EMP2: variants seen among roughly 807,000 people sequenced by gnomAD.
EMP2 encodes the protein epithelial membrane protein 2.
EMP2 carries 19 observed loss-of-function variants against 13.7 expected under a neutral mutation model. The observed-to-expected ratio is 1.38, with a 90% CI of 0.97 to 2.03. EMP2 has a LOEUF of 2.03. Ranked by LOEUF, EMP2 falls within the 30% of genes most tolerant of loss-of-function variation. The probability of loss-of-function intolerance (pLI) is 0.00; values close to 1 mark genes in which losing one functional copy is unlikely to be tolerated. For synonymous variants in EMP2, 97 were observed against 84.7 expected (o/e 1.15, Z -0.80); for missense variants, 253 against 220.7 (o/e 1.15, Z -0.93).
intron 2 of EMP2, chr16:10,544,564 G>C (rs2050725389): frequency 6.6e-6 from 1 of 152,336 alleles, no homozygotes; most frequent in Non-Finnish European, 1.5e-5. Flanking sequence ...CCCTCAGAGA[G>C]TATGGGAGAA....
At chr16:10,542,296 G>A (rs1176748421) in intron 3 of EMP2, among the ~76,000 whole-genome samples, 1 of 152,074 alleles carries the variant, frequency 6.6e-6, no homozygotes, top group African/African-American at 2.4e-5. Flanking sequence ...TACTTGAGAG[G>A]CTGAGATGGG....
At chr16:10,552,603 C>A (rs1036617543) in intron 1 of EMP2, among the ~76,000 whole-genome samples, 2 of 152,180 alleles carry the variant, frequency 1.3e-5, no homozygotes, top group Non-Finnish European at 2.9e-5. Flanking sequence ...AATTTAATAG[C>A]ATCATTCTGA....
intron 2 of EMP2, chr16:10,545,493 C>T (rs1327242499): frequency 1.3e-5 from 2 of 152,208 alleles, no homozygotes; most frequent in African/African-American, 2.4e-5. Context: ...CCTGTCAGGT[C>T]ACCAGGGGCA....
At chr16:10,556,603 T>A (rs192284075) in intron 1 of EMP2, among the ~76,000 whole-genome samples, 1 of 152,216 alleles carries the variant, frequency 6.6e-6, no homozygotes, top group Non-Finnish European at 1.5e-5. Context: ...GGGGAAGGGG[T>A]GCCCACAGGG....
At chr16:10,572,527 G>A (rs77584189) in intron 1 of EMP2, among the ~76,000 whole-genome samples, 9,229 of 152,088 alleles carry the variant, frequency 0.061, 415 homozygotes, top group Middle Eastern at 0.12. Flanking sequence ...CCATTACAGG[G>A]GCCGAGTCCA....
At chr16:10,557,356 CAAA>C (rs71402497) in intron 1 of EMP2, among the ~76,000 whole-genome samples, 2 of 107,628 alleles carry the variant, frequency 1.9e-5, no homozygotes, top group African/African-American at 3.9e-5. Flanking sequence ...GACTCCATCT[CAAA>C]AAAAAAAAAA....
chr16:10,561,176 A>G (rs2050868604), intron 1 of EMP2, among the ~76,000 whole-genome samples: 1 of 152,046 alleles, frequency 6.6e-6, no homozygotes, highest in African/African-American at 2.4e-5. Context: ...GGGCTGGGGA[A>G]GAGGGCACAT....
intron 1 of EMP2, among the ~76,000 whole-genome samples, chr16:10,569,357 G>A (rs1279366324): frequency 6.6e-6 from 1 of 152,156 alleles, no homozygotes; most frequent in East Asian, 1.9e-4. Context: ...TTTTAAAACA[G>A]GGTCTCGCTC....
chr16:10,571,182 G>C (rs1456062178), intron 1 of EMP2, among the ~76,000 whole-genome samples: 3 of 147,324 alleles, frequency 2.0e-5, no homozygotes, highest in Non-Finnish European at 3.0e-5. Context: ...GCTTGAACCA[G>C]GGAGTCGGCG....
intron 3 of EMP2, among the ~76,000 whole-genome samples, chr16:10,540,159 G>A (rs573116345): frequency 1.6e-3 from 238 of 152,266 alleles, no homozygotes; most frequent in African/African-American, 5.6e-3. Context: ...CAGTGAGGAC[G>A]GGAAACTACA....
intron 1 of EMP2, among the ~76,000 whole-genome samples, chr16:10,561,959 C>A (rs2050874296): frequency 6.6e-6 from 1 of 152,134 alleles, no homozygotes; most frequent in Non-Finnish European, 1.5e-5. Context: ...AAACTCCAGG[C>A]CCAGATGGCT....
chr16:10,578,434 G>A (rs528547976), intron 1 of EMP2, among the ~76,000 whole-genome samples: 1 of 152,158 alleles, frequency 6.6e-6, no homozygotes, highest in African/African-American at 2.4e-5. Context: ...AAGCGGGGGC[G>A]GTTTGCTAAA....
chr16:10,541,864 T>C (rs535206941), intron 3 of EMP2, among the ~76,000 whole-genome samples: 7 of 152,320 alleles, frequency 4.6e-5, no homozygotes, highest in African/African-American at 1.7e-4. Flanking sequence ...GGTCCCTGCC[T>C]GATGGGGCTA....
Position 10,529,931 on chromosome 16 carries a change from CAAAAAAAAAAAAAA to C in EMP2, c.*2960_*2973del, listed in dbSNP as rs58318805. On this transcript the variant is annotated 3_prime_UTR_variant, in exon 5 of 5. Transcript: ENST00000359543. ...GGGCAACAAGAGCAAAACTCAGTCT[CAAAAAAAAAAAAAA>C]AAAAGAAAAAGAAAAAAGAAAATTA... The C allele has an allele frequency of 4.0e-5, 3 of 75,424 alleles. No individual in the cohort carries two copies. The highest frequency in any genetic ancestry group is 1.3e-4 in the African/African-American group (3 of 23,210). 4.7% of individuals were successfully genotyped at this position (75,424 alleles called of 1,614,324 possible). A position where few individuals can be genotyped will look rare whatever the true frequency, so the allele number is the denominator to read the frequency against.
chr16:10,553,455 A>G (rs2050803948), intron 1 of EMP2, among the ~76,000 whole-genome samples: 1 of 151,986 alleles, frequency 6.6e-6, no homozygotes, highest in Non-Finnish European at 1.5e-5. Flanking sequence ...GAGTGCATTT[A>G]TTCAGGCCCC....
At position 10,533,109 on chromosome 16, in the gene EMP2, T is replaced by C; in HGVS notation, c.317-17A>G. ...CACACAGACCTGTCAGGAAGAAAGG[T>C]GAATTTTCAATAAATCATGGACCAC... On this transcript the variant is annotated splice_polypyrimidine_tract_variant and intron_variant, in intron 4 of 4. Transcript: ENST00000359543. 1 of 1,536,008 alleles carries C rather than the reference T, an allele frequency of 6.5e-7. No individual in the cohort carries two copies.
intron 1 of EMP2, among the ~76,000 whole-genome samples, chr16:10,560,432 AAGG>A (rs1345578772): frequency 3.9e-5 from 6 of 152,206 alleles, no homozygotes; most frequent in African/African-American, 1.4e-4. Context: ...AATCAAAGTT[AAGG>A]AGTTTGTTCA....
chr16:10,570,545 G>C (rs750192417), intron 1 of EMP2, among the ~76,000 whole-genome samples: 2 of 152,044 alleles, frequency 1.3e-5, no homozygotes, highest in African/African-American at 2.4e-5. Flanking sequence ...CTACAGGCAT[G>C]TGCCACCACA....
At chr16:10,561,657 AG>A (rs1448552706) in intron 1 of EMP2, among the ~76,000 whole-genome samples, 1 of 152,236 alleles carries the variant, frequency 6.6e-6, no homozygotes, top group South Asian at 2.1e-4. Flanking sequence ...AGCATCTCTC[AG>A]GGCCTGATGT....
Sources: allele counts gnomAD v4.1 joint callset (sites outside exome capture counted in the v4.1 genomes callset), GRCh38; gene constraint gnomAD v4.1.1; transcripts MANE v1.5; gene names NCBI Gene and HGNC (gene_info 2026-07-23, HGNC 2026-07-21).